VRK3: variants seen among roughly 807,000 people sequenced by gnomAD.
VRK3 encodes the protein VRK serine/threonine kinase 3, also known as serine/threonine-protein kinase VRK3.
VRK3 carries 50 observed loss-of-function variants against 60.4 expected under a neutral mutation model. The ratio of observed to expected loss-of-function variants is 0.83; its 90% CI spans 0.66 to 1.05. VRK3 has a LOEUF of 1.05. VRK3 is among the 50% of genes least tolerant of loss of function. VRK3 has a pLI of 0.00. For missense variants in VRK3, 549 were observed against 585.3 expected (o/e 0.94, Z 0.64); for synonymous variants, 246 against 227.8 (o/e 1.08, Z -0.72).
At chr19:50,011,079 G>A (rs60774863) in intron 3 of VRK3, among the ~76,000 whole-genome samples, 7,979 of 152,224 alleles carry the variant, frequency 0.052, 693 homozygotes, top group African/African-American at 0.18. Flanking sequence ...CCCCAGATTT[G>A]AGAGGAAATT....
chr19:50,023,433 A>C (rs1293562664), intron 1 of VRK3, among the ~76,000 whole-genome samples: 1 of 152,188 alleles, frequency 6.6e-6, no homozygotes, highest in Non-Finnish European at 1.5e-5. Flanking sequence ...GATCCCCCTC[A>C]GCCTCCCAAA....
At position 49,986,612 on chromosome 19, in the gene VRK3, T is replaced by C. The variant is rs144853718; in HGVS notation, c.1217+1760A>G. ...GCTGTCCATGGTTGAGAGAAGGAAG[T>C]TGGGAGACACGAAGGGAGTAAAATA... On this transcript the variant is annotated intron_variant, in intron 12 of 14. Coordinates refer to ENST00000316763, the MANE Select transcript of VRK3 (RefSeq NM_016440.4). The C allele has an allele frequency of 2.6e-5, 4 of 152,324 alleles. No individual in the cohort carries two copies. In the East Asian group the frequency reaches 5.8e-4, roughly 22 times the overall value. The allele number at this position is 152,324 out of a possible 1,614,324, so 9.4% of individuals were successfully genotyped here.
chr19:49,980,359 C>T (rs144946487), intron 13 of VRK3, among the ~76,000 whole-genome samples: 18 of 152,140 alleles, frequency 1.2e-4, no homozygotes, highest in African/African-American at 4.1e-4. Flanking sequence ...GAAGGATGGC[C>T]CCAGGGTTAA....
intron 12 of VRK3, chr19:49,981,927 T>C: frequency 2.6e-6 from 2 of 763,582 alleles, no homozygotes; most frequent in Non-Finnish European, 4.0e-6. Context: ...CAGGAGGTCA[T>C]GCTGTGCCTG....
chr19:49,983,948 G>A (rs2076469063), intron 12 of VRK3, among the ~76,000 whole-genome samples: 2 of 152,160 alleles, frequency 1.3e-5, no homozygotes. Flanking sequence ...GCCCTCTATG[G>A]TTGTGGTCTG....
intron 7 of VRK3, chr19:49,997,279 A>T (rs972199356): frequency 1.7e-5 from 8 of 465,846 alleles, no homozygotes; most frequent in Non-Finnish European, 2.7e-5. Flanking sequence ...ACCCACGCCC[A>T]GCCTGAAAAT....
At chr19:49,989,610 C>T (rs776672253) in intron 11 of VRK3, 29 bp downstream of exon 11, 10 of 1,575,146 alleles carry the variant, frequency 6.3e-6, no homozygotes, top group Non-Finnish European at 8.7e-6. Context: ...CATCTCTCTG[C>T]GGTCCCAAAC....
At position 50,009,311 on chromosome 19, in the gene VRK3, G is replaced by T. The variant is rs756422072; in HGVS notation, c.214C>A (p.Pro72Thr). ...KVKWSSTVTS[P>T]RLSLFSDGDS... ...CCATCTGAGAAGAGGGATAATCGGG[G>T]AGAGGTGACGGTGCTGGACCATTTC... is the stretch of plus-strand genomic sequence containing the variant. Residue 72 changes from proline (P) to threonine (T), a missense_variant, in exon 4 of 15, where the codon CCC (proline) becomes ACC (threonine). By Grantham distance (38) the Pro-to-Thr change is conservative. Coordinates refer to ENST00000316763, the MANE Select transcript of VRK3 (RefSeq NM_016440.4). 2 of 1,614,148 alleles carry T rather than the reference G, an allele frequency of 1.2e-6. No individual in the cohort carries two copies. Among genetic ancestry groups the T allele is most frequent in the South Asian group, 2.2e-5 (2 of 91,076 alleles).
chr19:49,984,826 C>A (rs558751943), intron 12 of VRK3, among the ~76,000 whole-genome samples: 1 of 151,940 alleles, frequency 6.6e-6, no homozygotes, highest in African/African-American at 2.4e-5. Context: ...GGTCTCACCA[C>A]GTTGCCCAGG....
At chr19:49,995,060 T>C (rs192324384) in intron 8 of VRK3, 131 bp downstream of exon 8, 38 of 1,275,626 alleles carry the variant, frequency 3.0e-5, no homozygotes, top group African/African-American at 7.4e-5. Context: ...GGCAGCAAAC[T>C]AGGTCAAAAC....
At chr19:49,994,478 C>T (rs1034468867) in intron 9 of VRK3, among the ~76,000 whole-genome samples, 3 of 152,264 alleles carry the variant, frequency 2.0e-5, no homozygotes, top group Non-Finnish European at 4.4e-5. Flanking sequence ...ATCCTCTCCT[C>T]ATCTATCCTC....
At chr19:49,998,827 G>GAAAACC (rs1002448782) in intron 6 of VRK3, 4 of 151,338 alleles carry the variant, frequency 2.6e-5, no homozygotes, top group Non-Finnish European at 4.4e-5. Context: ...AAACCCCAAA[G>GAAAACC]AAAACCAAAA....
At chr19:49,985,071 T>C (rs186333025) in intron 12 of VRK3, among the ~76,000 whole-genome samples, 1 of 152,330 alleles carries the variant, frequency 6.6e-6, no homozygotes, top group Admixed American at 6.5e-5. Flanking sequence ...CCCTCCCTCA[T>C]GGAAGCTGCA....
At chr19:49,987,700 C>CTTTTTTTTTTTTTT (rs74182083) in intron 12 of VRK3, 2 of 112,874 alleles carry the variant, frequency 1.8e-5, no homozygotes, top group African/African-American at 7.4e-5. Context: ...ACACAATGAG[C>CTTTTTTTTTTTTTT]TTTTTTTTTT....
At chr19:49,977,836 C>T (rs2076357000) in intron 14 of VRK3, among the ~76,000 whole-genome samples, 1 of 152,096 alleles carries the variant, frequency 6.6e-6, no homozygotes, top group African/African-American at 2.4e-5. Context: ...CTGGTTGAGG[C>T]AGAGAGCCTG....
Position 50,005,738 on chromosome 19 carries a change from C to A in VRK3, c.547+1831G>T, listed in dbSNP as rs184248015. ...CGCCACAGCATGGATGCACCTTGAG[C>A]ACACGCCGCTGGGTGAGGGATGCCA... On this transcript the variant is annotated intron_variant, in intron 5 of 14. Transcript: ENST00000316763. Among the ~76,000 whole-genome samples the A allele has an allele frequency of 6.9e-4, 103 of 149,782 alleles. 14 individuals carry two copies. The highest frequency in any genetic ancestry group is 2.5e-3 in the African/African-American group (98 of 39,094).
At chr19:49,999,905 TG>T (rs2076771356) in intron 6 of VRK3, 3 of 152,228 alleles carry the variant, frequency 2.0e-5, no homozygotes, top group Admixed American at 2.0e-4. Flanking sequence ...AAGTGTTAAA[TG>T]GGACACGGTA....
rs1409621694 is a variant in VRK3 at position 50,007,832 on chromosome 19, G to A, written c.290-6C>T. The stretch of plus-strand genomic sequence containing the variant: ...TGGGGGTCTGCTCCCGGAGCCTGCA[G>A]GAGGATGTAAGAATAAAGTAAAAGC... On this transcript the variant is annotated splice_polypyrimidine_tract_variant and splice_region_variant and intron_variant, in intron 4 of 14. Transcript: ENST00000316763. The A allele has an allele frequency of 1.9e-6, 3 of 1,613,978 alleles. No individual in the cohort carries two copies. The highest frequency in any genetic ancestry group is 1.3e-5 in the African/African-American group (1 of 74,898).
rs192297815 is a variant in VRK3 at position 49,990,570 on chromosome 19, G to T, written c.964-799C>A. 5.1e-3 allele frequency among the ~76,000 whole-genome samples: 771 copies of T among 151,754 alleles called. 5 individuals carry two copies. Among genetic ancestry groups the T allele is most frequent in the African/African-American group, 0.017 (689 of 41,360 alleles). Reference sequence around the variant, plus strand: ...CGATTTTTTGTAAAGATGGGGTTTTGCCCTGTTGCCCAGGCTGGTCTTGAA... The same window carrying T: ...CGATTTTTTGTAAAGATGGGGTTTTTCCCTGTTGCCCAGGCTGGTCTTGAA... On this transcript the variant is annotated intron_variant, in intron 10 of 14. Transcript: ENST00000316763.
Sources: gnomAD v4.1 joint callset for allele counts (sites outside exome capture counted in the v4.1 genomes callset) on GRCh38, gnomAD v4.1.1 for gene constraint, MANE v1.5 for transcripts, NCBI Gene and HGNC (gene_info 2026-07-23, HGNC 2026-07-21) for gene names.